The following AJUBA variants were observed in gnomAD, a reference collection of about 807,000 sequenced individuals.
AJUBA encodes LIM domain-containing protein ajuba.
Under a neutral mutation model 53.3 loss-of-function variants are expected in AJUBA, and 20 were observed. That is an observed-to-expected ratio of 0.38 (90% CI 0.26 to 0.55). The LOEUF (loss-of-function observed/expected upper bound fraction) is 0.55. Among genes scored for constraint, AJUBA ranks in the 20% least tolerant of loss-of-function variants. The pLI, the probability that AJUBA is intolerant of heterozygous loss-of-function variation, is 0.80. For missense variants in AJUBA, 580 were observed against 730.5 expected, an observed-to-expected ratio of 0.79 and a Z score of 2.38; for synonymous variants, 296 against 306.2, an observed-to-expected ratio of 0.97 and a Z score of 0.35.
chr14:22,981,769 G>A lies in AJUBA; in HGVS notation c.498C>T (p.Ser166=), dbSNP rs2045100155. ...RPCSNRTSGI[S]MGYDQRHGSP... is the part of the protein sequence containing the mutation. ...TCCCGTGGCGCTGGTCGTAGCCCAT[G>A]CTGATGCCGCTGGTGCGATTGCTGC... Residue 166 remains serine (S), a synonymous_variant, in exon 1 of 8, where the codon AGC becomes AGT. Transcript: ENST00000262713. The A allele has an allele frequency of 3.3e-6, 5 of 1,534,728 alleles. No individual in the cohort carries two copies. Among genetic ancestry groups the A allele is most frequent in the Non-Finnish European group, 4.4e-6 (5 of 1,146,302 alleles).
At chr14:22,977,087 G>C (rs1306859288) in intron 2 of AJUBA, 4 of 1,067,928 alleles carry the variant, frequency 3.7e-6, no homozygotes, top group African/African-American at 1.7e-5. Context: ...TTTGCATAGA[G>C]AGAACCACAT....
At chr14:22,976,809 C>G in intron 2 of AJUBA, 97 bp from the exon 3 acceptor site, 1 of 1,520,352 alleles carries the variant, frequency 6.6e-7, no homozygotes. Context: ...ATATTTAAAC[C>G]TGGACTTTGT....
rs2045110677 is a variant in AJUBA at position 22,982,284 on chromosome 14, C to T, written c.-18G>A. ...CGCTCCATGCCCTCGGGCCTGGGGC[C>T]TCTCGCCCCCTCCCCGCCTGGCACC... On this transcript the variant is annotated 5_prime_UTR_variant, in exon 1 of 8. Transcript: ENST00000262713. 1 of 1,608,416 alleles carries T rather than the reference C, an allele frequency of 6.2e-7. No homozygotes were observed. Among genetic ancestry groups the T allele is most frequent in the African/African-American group, 1.3e-5 (1 of 74,528 alleles).
At position 22,982,079 on chromosome 14, in the gene AJUBA, G is replaced by A. The variant is rs1360882607; in HGVS notation, c.188C>T (p.Pro63Leu). Residue 63 changes from proline (P) to leucine (L), a missense_variant, in exon 1 of 8, where the codon CCG becomes CTG. Around this residue, in one of 2 missense-constraint regions of AJUBA, gnomAD observed 430 missense variants for 471.5 expected, o/e 0.91. Transcript: ENST00000262713. Reference sequence around the variant, plus strand: ...GTCCAGGGAACCTTGCTCCCGGGCCGGCTCCAACGGCTCATCCCCAGGTCC... The same window carrying A: ...GTCCAGGGAACCTTGCTCCCGGGCCAGCTCCAACGGCTCATCCCCAGGTCC... ...TGGPGDEPLE[P>L]AREQGSLDAE... The A allele has an allele frequency of 1.9e-6, 3 of 1,590,760 alleles. No individual in the cohort carries two copies. The highest frequency in any genetic ancestry group is 1.7e-6 in the Non-Finnish European group (2 of 1,171,822).
In AJUBA at chr14:22,978,408, C is replaced by G; in HGVS notation, c.1044G>C (p.Gln348His). 6.2e-7 allele frequency: 1 copy of G among 1,613,938 alleles called. No individual in the cohort carries two copies. Among genetic ancestry groups the G allele is most frequent in the South Asian group, 1.1e-5 (1 of 91,078 alleles). ...CIKCNKGIYG[Q>H]SNACQALDSL... ...TGTCCAGGGCCTGGCAGGCATTGCT[C>G]TGCCCATAGATGCCTTTGTTGCACT... Residue 348 changes from glutamine (Q) to histidine (H), a missense_variant, in exon 2 of 8, where the codon CAG becomes CAC. Physicochemically the swap from Gln to His is conservative, Grantham distance 24. This residue lies in a region of AJUBA where 150 missense variants were observed against 259.0 expected (regional missense o/e 0.58). Coordinates refer to ENST00000262713, the MANE Select transcript of AJUBA (RefSeq NM_032876.6).
intron 2 of AJUBA, chr14:22,977,704 A>C (rs2045050169): frequency 6.6e-6 from 1 of 151,542 alleles, no homozygotes; most frequent in African/African-American, 2.4e-5. Context: ...AGGAGATTAA[A>C]GGTTTAGCAA....
In AJUBA at chr14:22,973,584, C is replaced by A; in HGVS notation, c.1492-16G>T. 1 of 1,613,796 alleles carries A rather than the reference C, an allele frequency of 6.2e-7. No homozygotes were observed. Among genetic ancestry groups the A allele is most frequent in the Non-Finnish European group, 8.5e-7 (1 of 1,179,868 alleles). On this transcript the variant is annotated splice_polypyrimidine_tract_variant and intron_variant, in intron 7 of 7. Transcript: ENST00000262713. ...TCCGGCAGTCCTAGGGAAGAAGGCA[C>A]CTAGTTCACCTCAGCCTAGGCACCT...
At chr14:22,976,127 T>C (rs1370373348) in intron 4 of AJUBA, among the ~76,000 whole-genome samples, 1 of 140,642 alleles carries the variant, frequency 7.1e-6, no homozygotes, top group South Asian at 2.2e-4. Flanking sequence ...CATTCCACTT[T>C]GTCAGAGCGA....
At chr14:22,975,420 TTTTTG>T (rs920189679) in intron 4 of AJUBA, 2 of 254,042 alleles carry the variant, frequency 7.9e-6, no homozygotes, top group Admixed American at 5.4e-5. Flanking sequence ...CAAACACTGT[TTTTTG>T]TTTTGTTTTG....
intron 1 of AJUBA, chr14:22,980,541 G>A (rs1594566897): frequency 1.0e-6 from 1 of 967,182 alleles, no homozygotes; most frequent in Non-Finnish European, 1.2e-6. Flanking sequence ...CCTGACTTCC[G>A]GAGGATGGGG....
In AJUBA at chr14:22,976,474, A is replaced by C; in HGVS notation, c.1221T>G (p.Gly407=). The change falls in exon 4 of 8, where the codon GGT becomes GGG. Residue 407 remains glycine (G), a synonymous_variant. Coordinates refer to ENST00000262713, the MANE Select transcript of AJUBA (RefSeq NM_032876.6). ...QEAAEKCCVC[G]HLILEKILQA... ...TACTTACCTTCTCCAAAATCAAGTGACCACAGACACAGCATTTCTCAGCTG... is the reference window on the plus strand; with the variant it reads ...TACTTACCTTCTCCAAAATCAAGTGCCCACAGACACAGCATTTCTCAGCTG... 1 of 1,614,202 alleles carries C rather than the reference A, an allele frequency of 6.2e-7. No homozygotes were observed. The highest frequency in any genetic ancestry group is 8.5e-7 in the Non-Finnish European group (1 of 1,180,040).
At chr14:22,978,979 GA>G (rs1245420556) in intron 1 of AJUBA, 1 of 1,289,212 alleles carries the variant, frequency 7.8e-7, no homozygotes, top group Admixed American at 2.3e-5. Context: ...CAAGGATGGA[GA>G]AAAGGATCTG....
rs968842700 is a variant in AJUBA, at chr14:22,972,780, A to G, written c.*663T>C. The G allele has an allele frequency of 6.6e-6, 1 of 152,370 alleles. No individual in the cohort carries two copies. 9.4% of individuals were successfully genotyped at this position (152,370 alleles called of 1,614,324 possible). ...GTGTCACAAAAAGTGAGGAGCTTAAATTTGGTTGCCTAGCAGGAACTCACC... is the reference window on the plus strand; with the variant it reads ...GTGTCACAAAAAGTGAGGAGCTTAAGTTTGGTTGCCTAGCAGGAACTCACC... On this transcript the variant is annotated 3_prime_UTR_variant, in exon 8 of 8. Coordinates refer to ENST00000262713, the MANE Select transcript of AJUBA (RefSeq NM_032876.6).
At position 22,982,538 on chromosome 14, in the gene AJUBA, C is replaced by G; in HGVS notation, c.-272G>C. On this transcript the variant is annotated 5_prime_UTR_variant, in exon 1 of 8. Coordinates refer to ENST00000262713, the MANE Select transcript of AJUBA (RefSeq NM_032876.6). The stretch of plus-strand genomic sequence containing the variant: ...TCCGCAGGTCTATCTGTTCACGCGT[C>G]GACTCGCCCGACTGCCCCACTCTCC... 1 of 1,309,836 alleles carries G rather than the reference C, an allele frequency of 7.6e-7. No individual in the cohort carries two copies. Among genetic ancestry groups the G allele is most frequent in the Non-Finnish European group, 9.7e-7 (1 of 1,029,610 alleles). The allele number at this position is 1,309,836 out of a possible 1,614,324, so 81.1% of individuals were successfully genotyped here. A position where few individuals can be genotyped will look rare whatever the true frequency, so the allele number is the denominator to read the frequency against.
chr14:22,976,407 G>C (rs767453818), intron 4 of AJUBA, 49 bp downstream of exon 4: 3 of 1,573,844 alleles, frequency 1.9e-6, no homozygotes, highest in East Asian at 2.2e-5. Flanking sequence ...CCCTGATCCC[G>C]CTCCTCAGCC....
intron 4 of AJUBA, 145 bp from the exon 5 acceptor site, chr14:22,975,249 C>G: frequency 1.7e-6 from 2 of 1,185,166 alleles, no homozygotes; most frequent in Non-Finnish European, 2.3e-6. Context: ...GTGAAGAAGT[C>G]GTAAAATGGA....
In AJUBA at chr14:22,976,685, T is replaced by C. The variant is rs2045040036; in HGVS notation, c.1136A>G (p.Tyr379Cys). The change falls in exon 3 of 8, where the codon TAC (tyrosine) becomes TGC (cysteine). Residue 379 changes from tyrosine (Y) to cysteine (C), a missense_variant. By Grantham distance (194) the Tyr-to-Cys change is radical. Coordinates refer to ENST00000262713, the MANE Select transcript of AJUBA (RefSeq NM_032876.6). ...CGRTLRCKAF[Y>C]SVNGSVYCEE... ...ACAGTACACAGAGCCATTGACACTG[T>C]AGAAAGCCTTGCAACGCAAAGTTCG... The C allele has an allele frequency of 1.2e-6, 2 of 1,614,064 alleles. No individual in the cohort carries two copies. The highest frequency in any genetic ancestry group is 1.7e-6 in the Non-Finnish European group (2 of 1,180,012).
chr14:22,974,783 C>G (rs1432267844), intron 6 of AJUBA, 56 bp downstream of exon 6: 2 of 1,566,512 alleles, frequency 1.3e-6, no homozygotes, highest in Non-Finnish European at 1.7e-6. Flanking sequence ...TGTCCCTATC[C>G]CCTCCCCAAA....
In AJUBA at chr14:22,979,766, A is replaced by C. The variant is rs2045070433; in HGVS notation, c.1007-1321T>G. On this transcript the variant is annotated intron_variant, in intron 1 of 7. Coordinates refer to ENST00000262713, the MANE Select transcript of AJUBA (RefSeq NM_032876.6). This position sits in a 1 kb window ranked among gnomAD's most constrained non-coding sequence, Gnocchi z 4.0. ...ACGTTGGCCTCACCTCCTCTAACCCAGCATATCTATACCTATGTTCTTCCT... is the reference window on the plus strand; with the variant it reads ...ACGTTGGCCTCACCTCCTCTAACCCCGCATATCTATACCTATGTTCTTCCT... Among the ~76,000 whole-genome samples the C allele has an allele frequency of 6.6e-6, 1 of 152,334 alleles. No individual in the cohort carries two copies. The highest frequency in any genetic ancestry group is 1.9e-4 in the East Asian group (1 of 5,180).
Sources: allele counts gnomAD v4.1 joint callset (sites outside exome capture counted in the v4.1 genomes callset), GRCh38; gene constraint gnomAD v4.1.1; regional missense constraint gnomAD v4.1.1; non-coding constraint Gnocchi (gnomAD v3.1); transcripts MANE v1.5; gene names NCBI Gene and HGNC (gene_info 2026-07-23, HGNC 2026-07-21).